The following TRPM3 variants were observed in gnomAD, a reference collection of about 807,000 sequenced individuals.
TRPM3 encodes transient receptor potential cation channel subfamily M member 3.
Under a neutral mutation model 181.2 loss-of-function variants are expected in TRPM3, and 77 were observed. The observed-to-expected ratio is 0.42, with a 90% CI of 0.35 to 0.51. TRPM3 has a LOEUF of 0.51. TRPM3 is among the 20% of genes least tolerant of loss of function. The pLI is 0.01. For missense variants in TRPM3, 1,759 were observed against 2,196.7 expected, an observed-to-expected ratio of 0.80 and a Z score of 3.98; for synonymous variants, 745 against 796.4, an observed-to-expected ratio of 0.94 and a Z score of 1.09.
chr9:70,858,614 T>C lies in TRPM3; in HGVS notation c.462+4294A>G, dbSNP rs150124549. 2.4e-4 allele frequency among the ~76,000 whole-genome samples: 36 copies of C among 152,192 alleles called. No individual in the cohort carries two copies. In the East Asian group the frequency reaches 7.0e-3, roughly 30 times the overall value. ...TAGTAATAAGAAGGTAAATTGGTTCTCATTTGGCTGATTAGACTCAGAAAG... is the reference window on the plus strand; with the variant it reads ...TAGTAATAAGAAGGTAAATTGGTTCCCATTTGGCTGATTAGACTCAGAAAG... On this transcript the variant is annotated intron_variant, in intron 3 of 25. Coordinates refer to ENST00000677713, the MANE Select transcript of TRPM3 (RefSeq NM_001366145.2).
chr9:71,088,333 G>A (rs926425363), intron 1 of TRPM3, among the ~76,000 whole-genome samples: 1 of 152,072 alleles, frequency 6.6e-6, no homozygotes, highest in Non-Finnish European at 1.5e-5. Context: ...TGGCAAGGAA[G>A]GAACTGCATT....
intron 1 of TRPM3, among the ~76,000 whole-genome samples, chr9:71,223,557 G>GT (rs1231955802): frequency 6.6e-6 from 1 of 152,184 alleles, no homozygotes; most frequent in Non-Finnish European, 1.5e-5. Context: ...TTTCGGCTTA[G>GT]GTAATAGCTC....
chr9:71,409,372 T>C (rs1286890221), intron 1 of TRPM3, among the ~76,000 whole-genome samples: 2 of 152,190 alleles, frequency 1.3e-5, no homozygotes, highest in South Asian at 2.1e-4. Context: ...CCATCTCACA[T>C]GCAGAGACAC....
chr9:71,310,753 G>A (rs2087848798), intron 1 of TRPM3, among the ~76,000 whole-genome samples: 1 of 151,974 alleles, frequency 6.6e-6, no homozygotes, highest in Non-Finnish European at 1.5e-5. Flanking sequence ...GTATCACCTC[G>A]ACATGCTCTG....
At chr9:70,911,419 A>T (rs1394650643) in intron 1 of TRPM3, among the ~76,000 whole-genome samples, 1 of 152,136 alleles carries the variant, frequency 6.6e-6, no homozygotes, top group Non-Finnish European at 1.5e-5. Flanking sequence ...TTTCATACAA[A>T]ATCATGCCTC....
chr9:70,582,931 A>G (rs11142496), intron 22 of TRPM3, among the ~76,000 whole-genome samples: 125,283 of 152,182 alleles, frequency 0.82, 51,958 homozygotes, highest in African/African-American at 0.91. Context: ...GATGCGTGGA[A>G]CCTATGTGTT....
rs1199089063 is a variant in TRPM3 at position 70,535,966 on chromosome 9, C to T, written c.5147G>A (p.Ser1716Asn). ...SRTSAFQSFESKHN is the reference protein window; with the variant it reads ...SRTSAFQSFENKHN Reference sequence around the variant, plus strand: ...TATTAAGAAGGTTTAGTTGTGCTTGCTTTCAAAGCTTTGGAAAGCCGATGT... The same window carrying T: ...TATTAAGAAGGTTTAGTTGTGCTTGTTTTCAAAGCTTTGGAAAGCCGATGT... The change falls in exon 26 of 26, where the codon AGC becomes AAC. Residue 1716 changes from serine to asparagine, a missense_variant. Ser to Asn is a conservative substitution (Grantham distance 46, BLOSUM62 1). Coordinates refer to ENST00000677713, the MANE Select transcript of TRPM3 (RefSeq NM_001366145.2). The T allele has an allele frequency of 6.3e-7, 1 of 1,597,576 alleles. No individual in the cohort carries two copies. The highest frequency in any genetic ancestry group is 8.5e-7 in the Non-Finnish European group (1 of 1,172,780).
rs376291442 is a variant in TRPM3 at position 70,610,666 on chromosome 9, G to T, written c.2610C>A (p.Leu870=). The part of the protein sequence containing the change: ...EVQSKHRLIP[L]GRKIYEFYNA... ...TGTAGAATTCATAGATTTTTCTGCC[G>T]AGGGGGATTAACCGGTGCTTGCTCT... Residue 870 remains leucine, a synonymous_variant, in exon 19 of 26, where the codon CTC becomes CTA. Coordinates refer to ENST00000677713, the MANE Select transcript of TRPM3 (RefSeq NM_001366145.2). 1.2e-5 allele frequency: 20 copies of T among 1,614,034 alleles called. No homozygotes were observed. Among genetic ancestry groups the T allele is most frequent in the East Asian group, 2.2e-5 (1 of 44,894 alleles).
rs1281715621 is a variant in TRPM3, at chr9:70,533,289, C to T, written c.*2664G>A. On this transcript the variant is annotated 3_prime_UTR_variant, in exon 26 of 26. Transcript: ENST00000677713. The stretch of plus-strand genomic sequence containing the variant: ...CCTCCTTCTTGGATTCCTCTATAGA[C>T]CCTTCAGGGAGACTTCAGCATTGTG... 1 of 152,126 alleles carries T rather than the reference C, an allele frequency of 6.6e-6. No individual in the cohort carries two copies. The highest frequency in any genetic ancestry group is 1.5e-5 in the Non-Finnish European group (1 of 68,040). 9.4% of individuals were successfully genotyped at this position (152,126 alleles called of 1,614,324 possible).
chr9:70,694,566 C>T (rs1448410290), intron 8 of TRPM3, among the ~76,000 whole-genome samples: 1 of 152,144 alleles, frequency 6.6e-6, no homozygotes, highest in African/African-American at 2.4e-5. Flanking sequence ...CTGCAAGCTC[C>T]GCCTCCTGGG....
At chr9:71,374,153 A>C (rs1209821674) in intron 1 of TRPM3, among the ~76,000 whole-genome samples, 1 of 152,210 alleles carries the variant, frequency 6.6e-6, no homozygotes, top group Admixed American at 6.5e-5. Flanking sequence ...AGGCAGGCAG[A>C]TCACCTGAGG....
At chr9:71,021,193 T>C (rs1162956878) in intron 1 of TRPM3, among the ~76,000 whole-genome samples, 1 of 152,204 alleles carries the variant, frequency 6.6e-6, no homozygotes, top group African/African-American at 2.4e-5. Flanking sequence ...ATGTAGTGTT[T>C]GAAGTCAGAA....
chr9:70,821,557 T>C (rs1346472794), intron 6 of TRPM3, among the ~76,000 whole-genome samples: 1 of 152,230 alleles, frequency 6.6e-6, no homozygotes, highest in African/African-American at 2.4e-5. Context: ...CGAACTTATA[T>C]AAATATCTGA....
At chr9:71,162,547 A>G (rs193204629) in intron 1 of TRPM3, among the ~76,000 whole-genome samples, 10 of 152,304 alleles carry the variant, frequency 6.6e-5, no homozygotes, top group Admixed American at 6.5e-4. Context: ...GTTAGCAAGA[A>G]AACAACGGTC....
chr9:70,984,253 T>C (rs1263308361), intron 1 of TRPM3, among the ~76,000 whole-genome samples: 1 of 152,256 alleles, frequency 6.6e-6, no homozygotes, highest in Admixed American at 6.5e-5. Flanking sequence ...CTACCCCTAC[T>C]TGTTTTCTGA....
chr9:71,396,227 C>T (rs1168884983), intron 1 of TRPM3, among the ~76,000 whole-genome samples: 2 of 151,202 alleles, frequency 1.3e-5, no homozygotes, highest in Admixed American at 6.6e-5. Context: ...GAATGGTAAA[C>T]TGCTTTCAAG....
At chr9:71,022,572 C>T (rs753038547) in intron 1 of TRPM3, among the ~76,000 whole-genome samples, 2 of 151,894 alleles carry the variant, frequency 1.3e-5, no homozygotes, top group East Asian at 1.9e-4. Context: ...GTGGCCACTA[C>T]CTATAGTCCC....
chr9:70,755,372 CTT>C (rs778205477), intron 8 of TRPM3, among the ~76,000 whole-genome samples: 28 of 142,918 alleles, frequency 2.0e-4, no homozygotes, highest in Middle Eastern at 3.6e-3. Context: ...ATTCAACATT[CTT>C]TTTTTTTTTT....
intron 1 of TRPM3, among the ~76,000 whole-genome samples, chr9:70,966,562 TA>T (rs1289703480): frequency 2.6e-5 from 4 of 152,014 alleles, no homozygotes; most frequent in African/African-American, 9.7e-5. Context: ...TATGCAGCCA[TA>T]AAAAAGAATG....
Sources: allele counts gnomAD v4.1 joint callset (sites outside exome capture counted in the v4.1 genomes callset), GRCh38; gene constraint gnomAD v4.1.1; transcripts MANE v1.5; gene names NCBI Gene and HGNC (gene_info 2026-07-23, HGNC 2026-07-21).